The following SHANK2 variants were observed in gnomAD, a reference collection of about 807,000 sequenced individuals.
SHANK2 encodes the protein SH3 and multiple ankyrin repeat domains protein 2.
In SHANK2, 43 loss-of-function variants were observed where a neutral mutation model predicts 133.7. The ratio of observed to expected loss-of-function variants is 0.32; its 90% CI spans 0.25 to 0.41. The LOEUF (loss-of-function observed/expected upper bound fraction) is 0.41, where lower values mean the gene tolerates loss of function less well. SHANK2 is among the 10% of genes least tolerant of loss of function. The pLI is 1.00. For synonymous variants in SHANK2, 1,017 were observed against 952.8 expected (o/e 1.07, Z -1.24); for missense variants, 1,994 against 2,235.8 (o/e 0.89, Z 2.18).
chr11:70,758,847 G>A (rs1350933393), intron 14 of SHANK2, among the ~76,000 whole-genome samples: 2 of 152,176 alleles, frequency 1.3e-5, no homozygotes, highest in East Asian at 1.9e-4. Context: ...TGGAACAAGG[G>A]GACACCACAG....
At chr11:70,797,532 T>A (rs1474755991) in intron 14 of SHANK2, among the ~76,000 whole-genome samples, 1 of 152,140 alleles carries the variant, frequency 6.6e-6, no homozygotes, top group African/African-American at 2.4e-5. Flanking sequence ...CCTCCTTGCT[T>A]TCCAGAACAC....
At chr11:71,239,919 G>A (rs1489642714) in intron 1 of SHANK2, among the ~76,000 whole-genome samples, 1 of 152,162 alleles carries the variant, frequency 6.6e-6, no homozygotes, top group Non-Finnish European at 1.5e-5. Context: ...CGTCTCGCAG[G>A]GCGTCTGCCA....
intron 17 of SHANK2, chr11:70,566,314 A>G (rs1303584077): frequency 6.6e-6 from 1 of 152,346 alleles, no homozygotes; most frequent in South Asian, 2.1e-4. Flanking sequence ...AGCTTCTGCC[A>G]TCGTCCATCT....
intron 10 of SHANK2, among the ~76,000 whole-genome samples, chr11:70,924,356 G>A (rs922052919): frequency 3.3e-5 from 5 of 152,156 alleles, no homozygotes; most frequent in Admixed American, 6.5e-5. Flanking sequence ...CTAGGATCTC[G>A]GGGCCGGGCT....
At chr11:70,871,485 C>A (rs561079615) in intron 11 of SHANK2, among the ~76,000 whole-genome samples, 5 of 152,228 alleles carry the variant, frequency 3.3e-5, no homozygotes, top group Non-Finnish European at 5.9e-5. Flanking sequence ...GCCTCCTTCA[C>A]GTGCTGAGGC....
chr11:70,556,601 T>C (rs2059835053), intron 17 of SHANK2, among the ~76,000 whole-genome samples: 2 of 150,720 alleles, frequency 1.3e-5, no homozygotes, highest in African/African-American at 4.9e-5. Context: ...TTTTTTTTTT[T>C]TTTTTCTTGA....
At chr11:70,798,740 C>T (rs1590692872) in intron 13 of SHANK2, among the ~76,000 whole-genome samples, 184 bp from the exon 14 acceptor site, 2 of 152,336 alleles carry the variant, frequency 1.3e-5, no homozygotes, top group South Asian at 4.1e-4. Flanking sequence ...GGCACCGGGG[C>T]ATCACCACTG....
chr11:70,904,442 C>A (rs1312657334), intron 10 of SHANK2, among the ~76,000 whole-genome samples: 1 of 151,986 alleles, frequency 6.6e-6, no homozygotes, highest in Non-Finnish European at 1.5e-5. Context: ...ATGTCCCCAC[C>A]CAAATCTCAT....
chr11:70,702,237 G>A (rs111170285), intron 14 of SHANK2, among the ~76,000 whole-genome samples: 2,178 of 130,482 alleles, frequency 0.017, 58 homozygotes, highest in African/African-American at 0.059. Context: ...CACCACCAGC[G>A]CATTCTTCAC....
intron 17 of SHANK2, among the ~76,000 whole-genome samples, chr11:70,529,736 G>A (rs2059444074): frequency 6.6e-6 from 1 of 152,046 alleles, no homozygotes; most frequent in Non-Finnish European, 1.5e-5. Flanking sequence ...CCTCCTCCCT[G>A]TCTCTGTGGA....
At chr11:70,735,530 C>A (rs1373169131) in intron 14 of SHANK2, among the ~76,000 whole-genome samples, 1 of 152,078 alleles carries the variant, frequency 6.6e-6, no homozygotes, top group African/African-American at 2.4e-5. Flanking sequence ...ATGGTGAAAC[C>A]CCATCTGTAT....
chr11:70,758,182 A>G (rs529353089), intron 14 of SHANK2, among the ~76,000 whole-genome samples: 1 of 152,360 alleles, frequency 6.6e-6, no homozygotes, highest in Admixed American at 6.5e-5. Context: ...GGGAGGGACA[A>G]TGATCGGGAT....
intron 11 of SHANK2, among the ~76,000 whole-genome samples, chr11:70,890,941 G>C (rs577867660): frequency 2.6e-4 from 40 of 151,908 alleles, no homozygotes; most frequent in African/African-American, 9.4e-4. Context: ...TCCAGCCTGG[G>C]TGACAGAGTG....
intron 2 of SHANK2, among the ~76,000 whole-genome samples, chr11:71,194,554 C>A (rs1953859942): frequency 6.6e-6 from 1 of 152,160 alleles, no homozygotes; most frequent in Admixed American, 6.5e-5. Flanking sequence ...GGGGGCAGGT[C>A]CAGACAGACA....
chr11:71,133,272 G>GGATA, intron 3 of SHANK2, among the ~76,000 whole-genome samples: 1 of 150,792 alleles, frequency 6.6e-6, no homozygotes, highest in East Asian at 1.9e-4. Flanking sequence ...ATGGATGGAT[G>GGATA]GATGGATGGC....
At chr11:70,828,150 C>T (rs1213135232) in intron 11 of SHANK2, among the ~76,000 whole-genome samples, 6 of 152,098 alleles carry the variant, frequency 3.9e-5, no homozygotes, top group Non-Finnish European at 7.3e-5. Flanking sequence ...CGGGTGTGGT[C>T]GTGCGCCTGT....
At chr11:70,860,014 T>C (rs1056243111) in intron 11 of SHANK2, among the ~76,000 whole-genome samples, 18 of 152,190 alleles carry the variant, frequency 1.2e-4, no homozygotes, top group Non-Finnish European at 5.9e-5. Context: ...CATCCTCGTG[T>C]GTTCCTCAAA....
intron 14 of SHANK2, among the ~76,000 whole-genome samples, chr11:70,757,636 G>A (rs1946902545): frequency 6.6e-6 from 1 of 152,244 alleles, no homozygotes; most frequent in South Asian, 2.1e-4. Context: ...CCTAGTGGGT[G>A]GGGAATGTGC....
intron 17 of SHANK2, among the ~76,000 whole-genome samples, chr11:70,630,763 G>A (rs919225551): frequency 1.3e-5 from 2 of 152,190 alleles, no homozygotes; most frequent in Non-Finnish European, 2.9e-5. Flanking sequence ...GAGGGAGAGG[G>A]CCCTGCCGAC....
Sources: gnomAD v4.1 joint callset for allele counts (sites outside exome capture counted in the v4.1 genomes callset) on GRCh38, gnomAD v4.1.1 for gene constraint, MANE v1.5 for transcripts, NCBI Gene and HGNC (gene_info 2026-07-23, HGNC 2026-07-21) for gene names.